Variants in STK31 observed in about 807,000 individuals in gnomAD.
STK31 encodes serine/threonine-protein kinase 31.
STK31 carries 89 observed loss-of-function variants against 129.7 expected under a neutral mutation model. That is an observed-to-expected ratio of 0.69 (90% CI 0.58 to 0.82). The LOEUF (loss-of-function observed/expected upper bound fraction) is 0.82. Among genes scored for constraint, STK31 ranks in the 40% least tolerant of loss-of-function variants. STK31 has a pLI of 0.00. For synonymous variants in STK31, 448 were observed against 395.3 expected (o/e 1.13, Z -1.58); for missense variants, 1,187 against 1,176.4 (o/e 1.01, Z -0.13).
At chr7:23,822,839 A>G (rs956247531) in intron 23 of STK31, among the ~76,000 whole-genome samples, 1 of 152,070 alleles carries the variant, frequency 6.6e-6, no homozygotes, top group Non-Finnish European at 1.5e-5. Context: ...GAGTGAGAAT[A>G]TGTGGTGTTC....
chr7:23,712,435 A>G, intron 3 of STK31, 149 bp downstream of exon 3: 1 of 785,358 alleles, frequency 1.3e-6, no homozygotes, highest in African/African-American at 1.7e-5. Context: ...CATTATTAGG[A>G]GACAAATGTT....
At position 23,727,556 on chromosome 7, in the gene STK31, C is replaced by CTTTTT. The variant is rs58066410; in HGVS notation, c.324+261_324+265dup. The CTTTTT allele has an allele frequency of 8.7e-4, 119 of 137,408 alleles. 1 individual carries two copies. Among genetic ancestry groups the CTTTTT allele is most frequent in the East Asian group, 2.4e-3 (7 of 2,956 alleles). The allele number at this position is 137,408 out of a possible 1,614,324, so 8.5% of individuals were successfully genotyped here. ...GTGACTAGTTATTTTTACCTCAGTT[C>CTTTTT]TTTTTTTTTTTTTTTTTTTTTTTTG... On this transcript the variant is annotated intron_variant, in intron 5 of 23. Coordinates refer to ENST00000355870, the MANE Select transcript of STK31 (RefSeq NM_031414.5).
In STK31 at chr7:23,769,666, A is replaced by G. The variant is rs1276101037; in HGVS notation, c.1623A>G (p.Ser541=). Reference sequence around the variant, plus strand: ...TTTTTGACCTATCTGTGGAAGGATCACTGATTTCAGAAGACGCAATGGATA... The same window carrying G: ...TTTTTGACCTATCTGTGGAAGGATCGCTGATTTCAGAAGACGCAATGGATA... The part of the protein sequence containing the change: ...LKVFDLSVEG[S]LISEDAMDNI... Residue 541 remains serine, a synonymous_variant, in exon 13 of 24, where the codon TCA becomes TCG. Coordinates refer to ENST00000355870, the MANE Select transcript of STK31 (RefSeq NM_031414.5). 6.2e-7 allele frequency: 1 copy of G among 1,611,410 alleles called. No individual in the cohort carries two copies. Among genetic ancestry groups the G allele is most frequent in the Non-Finnish European group, 8.5e-7 (1 of 1,178,572 alleles).
chr7:23,747,276 G>C (rs1032822636), intron 8 of STK31, among the ~76,000 whole-genome samples: 1 of 152,154 alleles, frequency 6.6e-6, no homozygotes, highest in Non-Finnish European at 1.5e-5. Context: ...GAATTTACCA[G>C]TGAACTTATA....
chr7:23,802,663 G>A (rs180938020), intron 22 of STK31, among the ~76,000 whole-genome samples: 5 of 152,142 alleles, frequency 3.3e-5, no homozygotes, highest in South Asian at 4.2e-4. Context: ...ATAGGCACCC[G>A]CCACCACACT....
chr7:23,769,725 G>A lies in STK31; in HGVS notation c.1682G>A (p.Ser561Asn). 2.5e-6 allele frequency: 4 copies of A among 1,610,988 alleles called. No homozygotes were observed. The highest frequency in any genetic ancestry group is 2.2e-5 in the East Asian group (1 of 44,796). ...GAAATCCTAGAGAAGACTGAGTCAAGTGTCTGCAAAGAGCTGGAGATAGCT... is the reference window on the plus strand; with the variant it reads ...GAAATCCTAGAGAAGACTGAGTCAAATGTCTGCAAAGAGCTGGAGATAGCT... The part of the protein sequence containing the change: ...IDEILEKTES[S>N]VCKELEIALV... The change falls in exon 13 of 24, where the codon AGT becomes AAT. Residue 561 changes from serine to asparagine, a missense_variant. Transcript: ENST00000355870.
chr7:23,744,483 A>G (rs1387706224), intron 8 of STK31, among the ~76,000 whole-genome samples: 1 of 152,166 alleles, frequency 6.6e-6, no homozygotes, highest in Non-Finnish European at 1.5e-5. Context: ...GTGGAGAATT[A>G]CTAACTTCCT....
At chr7:23,730,878 A>ATATATATATATATATAT in intron 6 of STK31, among the ~76,000 whole-genome samples, 5 of 59,542 alleles carry the variant, frequency 8.4e-5, no homozygotes, top group Admixed American at 2.7e-4. Flanking sequence ...ATATATATAT[A>ATATATATATATATATAT]TTTTTTTTTT....
At chr7:23,721,904 G>C (rs1002781193) in intron 4 of STK31, 6 of 382,118 alleles carry the variant, frequency 1.6e-5, no homozygotes, top group South Asian at 4.7e-5. Context: ...CGTAGTTCTC[G>C]TGCCATGGTT....
intron 23 of STK31, among the ~76,000 whole-genome samples, chr7:23,829,659 G>A (rs550861655): frequency 6.6e-6 from 1 of 152,146 alleles, no homozygotes; most frequent in Non-Finnish European, 1.5e-5. Context: ...GAACAAGTTA[G>A]GGAGAATTCT....
chr7:23,772,664 G>A (rs995322787), intron 15 of STK31, among the ~76,000 whole-genome samples: 2 of 152,126 alleles, frequency 1.3e-5, no homozygotes, highest in Admixed American at 6.6e-5. Flanking sequence ...GTATTTTTAA[G>A]ATCATGGTAT....
chr7:23,762,977 G>T, intron 11 of STK31, 54 bp downstream of exon 11: 13 of 1,430,090 alleles, frequency 9.1e-6, no homozygotes, highest in Non-Finnish European at 9.3e-6. Context: ...TATTTAAGAA[G>T]TGAAATTAGC....
intron 23 of STK31, among the ~76,000 whole-genome samples, chr7:23,824,774 C>G (rs1251661243): frequency 6.6e-6 from 1 of 151,856 alleles, no homozygotes; most frequent in East Asian, 1.9e-4. Flanking sequence ...TACATCCCAT[C>G]AATACCTAAT....
rs766234814 is a variant in STK31, at chr7:23,717,470, AATCTT to A, written c.151-10_151-6del. ...TTTTACTGTATCTTATACTATATCT[AATCTT>A]TCTAGAGTATCAATAGAAATAAGGA... On this transcript the variant is annotated splice_polypyrimidine_tract_variant and splice_region_variant and intron_variant, in intron 3 of 23. Transcript: ENST00000355870. The A allele has an allele frequency of 4.1e-5, 64 of 1,562,872 alleles. No individual in the cohort carries two copies. In the African/African-American group the frequency reaches 5.2e-4, roughly 13 times the overall value.
Position 23,740,109 on chromosome 7 carries a change from G to T in STK31, c.1017+3031G>T, listed in dbSNP as rs149251746. Among the ~76,000 whole-genome samples the T allele has an allele frequency of 2.0e-3, 297 of 152,216 alleles. 1 individual carries two copies. Among genetic ancestry groups the T allele is most frequent in the African/African-American group, 6.8e-3 (284 of 41,550 alleles). On this transcript the variant is annotated intron_variant, in intron 8 of 23. Transcript: ENST00000355870. ...ATTGATTCTTCCTGTCCACGAGCAT[G>T]GAATTGTATTTTCTGTACAGTCAGG...
intron 23 of STK31, among the ~76,000 whole-genome samples, chr7:23,829,583 G>GT: frequency 6.6e-6 from 1 of 152,304 alleles, no homozygotes; most frequent in Non-Finnish European, 1.5e-5. Flanking sequence ...CTGGTCTATA[G>GT]TTTTTTGTTG....
chr7:23,725,630 A>ACC (rs1787016064), intron 4 of STK31, among the ~76,000 whole-genome samples: 1 of 152,160 alleles, frequency 6.6e-6, no homozygotes, highest in South Asian at 2.1e-4. Context: ...GTAAAGAAAT[A>ACC]CCTGAGACTG....
At chr7:23,763,063 T>C (rs1349991345) in intron 11 of STK31, 140 bp downstream of exon 11, 2 of 713,700 alleles carry the variant, frequency 2.8e-6, no homozygotes, top group African/African-American at 3.7e-5. Context: ...GATTTCTTTT[T>C]AATGGGATTA....
chr7:23,735,607 G>A lies in STK31; in HGVS notation c.553G>A (p.Asp185Asn). Residue 185 changes from aspartate to asparagine, a missense_variant, in exon 7 of 24, where the codon GAT becomes AAT. Around this residue, in one of 5 missense-constraint regions of STK31, gnomAD observed 103 missense variants for 110.4 expected, o/e 0.93. Coordinates refer to ENST00000355870, the MANE Select transcript of STK31 (RefSeq NM_031414.5). ...AATGAGAATTAAAGCAACCTCTGAA[G>A]ATGGAACAGTTATTGCTCAGGCTGA... Reference protein sequence around the residue: ...IKMRIKATSEDGTVIAQAEYG... With the variant: ...IKMRIKATSENGTVIAQAEYG... 1.2e-6 allele frequency: 2 copies of A among 1,613,898 alleles called. No homozygotes were observed. The highest frequency in any genetic ancestry group is 1.7e-6 in the Non-Finnish European group (2 of 1,179,916).
Sources: allele counts gnomAD v4.1 joint callset (sites outside exome capture counted in the v4.1 genomes callset), GRCh38; gene constraint gnomAD v4.1.1; regional missense constraint gnomAD v4.1.1; transcripts MANE v1.5; gene names NCBI Gene and HGNC (gene_info 2026-07-23, HGNC 2026-07-21).